FGD3: variants seen among roughly 807,000 people sequenced by gnomAD.
FGD3 encodes FYVE, RhoGEF and PH domain-containing protein 3.
FGD3 carries 45 observed loss-of-function variants against 71.8 expected under a neutral mutation model. The observed-to-expected ratio is 0.63, with a 90% CI of 0.49 to 0.80. The LOEUF is 0.80. FGD3 is among the 30% of genes least tolerant of loss of function. FGD3 has a pLI of 0.00. For missense variants in FGD3, 844 were observed against 951.5 expected (o/e 0.89, Z 1.49); for synonymous variants, 378 against 392.8 (o/e 0.96, Z 0.44).
intron 1 of FGD3, among the ~76,000 whole-genome samples, chr9:92,971,954 A>T (rs1204789327): frequency 4.5e-5 from 1 of 22,188 alleles, no homozygotes; most frequent in Non-Finnish European, 9.1e-5. Context: ...CCACCCATCC[A>T]CCCCCCTCCC....
chr9:92,974,452 C>T (rs1859647279), intron 1 of FGD3: 1 of 152,248 alleles, frequency 6.6e-6, no homozygotes, highest in Non-Finnish European at 1.5e-5. Context: ...AAGAAACGTC[C>T]ACTCAAAAGG....
chr9:92,961,301 A>C (rs1323115069), intron 1 of FGD3, among the ~76,000 whole-genome samples: 1 of 152,186 alleles, frequency 6.6e-6, no homozygotes, highest in Non-Finnish European at 1.5e-5. Context: ...CACTGGAGGC[A>C]CAGGGCCTTC....
rs1293060399 is a variant in FGD3, at chr9:92,995,341, G to C, written c.454-7584G>C. On this transcript the variant is annotated intron_variant, in intron 3 of 17. Transcript: ENST00000375482. ...ATTGATTTCGTATCCTGAGACTTTG[G>C]TGAAGTTGCTTATCAGCTTAAGGAG... Among the ~76,000 whole-genome samples, 7 of 152,172 alleles carry C rather than the reference G, an allele frequency of 4.6e-5. No homozygotes were observed. In the South Asian group the frequency reaches 6.2e-4, roughly 14 times the overall value.
rs1862291547 is a variant in FGD3, at chr9:93,029,934, A to G, written c.1618A>G (p.Ser540Gly). ...RRDKEKQSCKSCGETFNSITK... is the reference protein window; with the variant it reads ...RRDKEKQSCKGCGETFNSITK... ...TGACAAGGAGAAGCAGAGCTGTAAG[A>G]GCTGTGGTGAGACCTTCAACTCCAT... The change falls in exon 15 of 18, where the codon AGC becomes GGC. Residue 540 changes from serine to glycine, a missense_variant. By Grantham distance (56) the Ser-to-Gly change is moderately conservative. Transcript: ENST00000375482. 6.2e-7 allele frequency: 1 copy of G among 1,613,654 alleles called. No homozygotes were observed. The highest frequency in any genetic ancestry group is 1.3e-5 in the African/African-American group (1 of 75,052).
At chr9:92,999,320 A>C (rs898916233) in intron 3 of FGD3, among the ~76,000 whole-genome samples, 4 of 152,186 alleles carry the variant, frequency 2.6e-5, no homozygotes, top group Non-Finnish European at 5.9e-5. Context: ...AGGCCATTGG[A>C]AAAGCACAGT....
In FGD3 at chr9:93,019,983, G is replaced by A. The variant is rs1015478648; in HGVS notation, c.1386+122G>A. The A allele has an allele frequency of 2.3e-5, 23 of 997,386 alleles. 1 individual carries two copies. The highest frequency in any genetic ancestry group is 2.0e-4 in the Admixed American group (11 of 54,732). The allele number at this position is 997,386 out of a possible 1,614,324, so 61.8% of individuals were successfully genotyped here. A position where few individuals can be genotyped will look rare whatever the true frequency, so the allele number is the denominator to read the frequency against. On this transcript the variant is annotated intron_variant, in intron 12 of 17. Transcript: ENST00000375482. ...GACTGCTGGCCCTGTGCTGTACCCT[G>A]CAGGGATGCAGTGACCACACTGTGC... is the stretch of plus-strand genomic sequence containing the variant.
At chr9:92,951,367 C>T (rs1159851568) in intron 1 of FGD3, among the ~76,000 whole-genome samples, 1 of 152,148 alleles carries the variant, frequency 6.6e-6, no homozygotes, top group Non-Finnish European at 1.5e-5. Context: ...TTACGTGGAA[C>T]TTGTAACTTC....
chr9:93,022,171 C>G (rs951301945), intron 13 of FGD3, among the ~76,000 whole-genome samples, 156 bp from the exon 14 acceptor site: 1 of 152,232 alleles, frequency 6.6e-6, no homozygotes, highest in Admixed American at 6.5e-5. Context: ...GAGCAGCTTC[C>G]CCAGAGGCAC....
chr9:92,993,022 TACTCCACCACTC>T (rs1860479209), intron 3 of FGD3, among the ~76,000 whole-genome samples: 1 of 152,194 alleles, frequency 6.6e-6, no homozygotes, highest in Admixed American at 6.5e-5. Context: ...GGTGCATCTC[TACTCCACCACTC>T]ACTCCACCGC....
chr9:92,984,863 G>T (rs1379788271), intron 3 of FGD3, among the ~76,000 whole-genome samples: 2 of 148,684 alleles, frequency 1.3e-5, no homozygotes. Flanking sequence ...TTACCTGACT[G>T]CATTTGGAGA....
intron 14 of FGD3, among the ~76,000 whole-genome samples, chr9:93,027,408 C>T (rs1862154101): frequency 6.6e-6 from 1 of 152,172 alleles, no homozygotes; most frequent in Non-Finnish European, 1.5e-5. Context: ...TTGGAGATGT[C>T]AGTTTCCTCC....
intron 14 of FGD3, among the ~76,000 whole-genome samples, chr9:93,027,487 G>A (rs10992587): frequency 0.034 from 5,151 of 152,182 alleles, 105 homozygotes; most frequent in Middle Eastern, 0.065. Flanking sequence ...ACACCAGTAA[G>A]ATTGAATCAG....
At chr9:93,021,304 C>G (rs916308117) in intron 13 of FGD3, among the ~76,000 whole-genome samples, 2 of 152,196 alleles carry the variant, frequency 1.3e-5, no homozygotes, top group African/African-American at 4.8e-5. Context: ...CACATGGAGA[C>G]TTAGGCTGGG....
chr9:93,023,589 T>A (rs1177962762), intron 14 of FGD3, among the ~76,000 whole-genome samples: 1 of 151,442 alleles, frequency 6.6e-6, no homozygotes, highest in Non-Finnish European at 1.5e-5. Context: ...TAGGAGAGAA[T>A]CTCCTCTCAC....
chr9:92,974,151 G>T (rs1859635923), intron 1 of FGD3, among the ~76,000 whole-genome samples: 1 of 152,074 alleles, frequency 6.6e-6, no homozygotes. Flanking sequence ...ACTCCATCCT[G>T]ACCAGAAGCA....
chr9:92,969,514 T>C lies in FGD3; in HGVS notation c.-217-5724T>C, dbSNP rs567988536. Reference sequence around the variant, plus strand: ...CAGTTTAAAAACCACCACTAACGCGTTTGTTGCTCCCCCTACATAACATGC... The same window carrying C: ...CAGTTTAAAAACCACCACTAACGCGCTTGTTGCTCCCCCTACATAACATGC... On this transcript the variant is annotated intron_variant, in intron 1 of 17. Coordinates refer to ENST00000375482, the MANE Select transcript of FGD3 (RefSeq NM_001083536.2). This position sits in a 1 kb window ranked among gnomAD's most constrained non-coding sequence, Gnocchi z 4.5. Among the ~76,000 whole-genome samples the C allele has an allele frequency of 6.6e-6, 1 of 152,082 alleles. No homozygotes were observed. The highest frequency in any genetic ancestry group is 2.1e-4 in the South Asian group (1 of 4,826).
intron 11 of FGD3, among the ~76,000 whole-genome samples, chr9:93,019,277 C>A (rs1237466246): frequency 6.6e-6 from 1 of 152,106 alleles, no homozygotes; most frequent in Non-Finnish European, 1.5e-5. Context: ...CATATCTGCA[C>A]ACCATTCCTA....
At chr9:92,971,035 G>A (rs1346038173) in intron 1 of FGD3, among the ~76,000 whole-genome samples, 1 of 152,182 alleles carries the variant, frequency 6.6e-6, no homozygotes, top group Non-Finnish European at 1.5e-5. Flanking sequence ...CAGAATAGAA[G>A]GAAGTGAAGT....
chr9:93,006,819 A>G (rs1861076375), intron 6 of FGD3, among the ~76,000 whole-genome samples: 2 of 148,428 alleles, frequency 1.3e-5, no homozygotes, highest in South Asian at 4.3e-4. Flanking sequence ...CTCTGCCTCC[A>G]GGGTTTACAC....
Sources: allele counts gnomAD v4.1 joint callset (sites outside exome capture counted in the v4.1 genomes callset), GRCh38; gene constraint gnomAD v4.1.1; non-coding constraint Gnocchi (gnomAD v3.1); transcripts MANE v1.5; gene names NCBI Gene and HGNC (gene_info 2026-07-23, HGNC 2026-07-21).